GFOD1: variants seen among roughly 807,000 people sequenced by gnomAD.
The protein encoded by GFOD1 is glucose-fructose oxidoreductase domain-containing protein 1.
In GFOD1, 9 loss-of-function variants were observed where a neutral mutation model predicts 25.4. The ratio of observed to expected loss-of-function variants is 0.35; its 90% CI spans 0.21 to 0.62. GFOD1 has a LOEUF of 0.62. GFOD1 is among the 20% of genes least tolerant of loss of function. The pLI, the probability that GFOD1 is intolerant of heterozygous loss-of-function variation, is 0.72. For missense variants in GFOD1, 403 were observed against 556.9 expected, an observed-to-expected ratio of 0.72 and a Z score of 2.78; for synonymous variants, 253 against 245.6, an observed-to-expected ratio of 1.03 and a Z score of -0.28.
chr6:13,487,035 C>T lies in GFOD1; in HGVS notation c.-145G>A. 3.0e-6 allele frequency: 3 copies of T among 1,014,330 alleles called. No individual in the cohort carries two copies. The highest frequency in any genetic ancestry group is 2.6e-5 in the East Asian group (1 of 38,316). 62.8% of individuals were successfully genotyped at this position (1,014,330 alleles called of 1,614,324 possible). ...GCCGCCGTGCACCGGGCAAGGCGCC[C>T]GGGTGCCCAGAGCGCACCGAGCTGC... On this transcript the variant is annotated 5_prime_UTR_variant, in exon 1 of 2. Coordinates refer to ENST00000379287, the MANE Select transcript of GFOD1 (RefSeq NM_018988.4). This position sits in a 1 kb window ranked among gnomAD's most constrained non-coding sequence, Gnocchi z 4.9.
At chr6:13,394,466 ATT>A (rs70989855) in intron 1 of GFOD1, among the ~76,000 whole-genome samples, 18 of 75,910 alleles carry the variant, frequency 2.4e-4, no homozygotes, top group African/African-American at 2.7e-4. Context: ...TACCCTTTGA[ATT>A]TTTTTTTTTT....
chr6:13,400,231 T>C (rs1785816059), intron 1 of GFOD1, among the ~76,000 whole-genome samples: 1 of 152,132 alleles, frequency 6.6e-6, no homozygotes, highest in Non-Finnish European at 1.5e-5. Context: ...GGGGGTGGGA[T>C]AAATGTTAAA....
In GFOD1 at chr6:13,486,966, G is replaced by C. The variant is rs1024574618; in HGVS notation, c.-76C>G. 3 of 1,511,956 alleles carry C rather than the reference G, an allele frequency of 2.0e-6. No individual in the cohort carries two copies. The highest frequency in any genetic ancestry group is 2.7e-6 in the Non-Finnish European group (3 of 1,124,434). 93.7% of individuals were successfully genotyped at this position (1,511,956 alleles called of 1,614,324 possible). A position where few individuals can be genotyped will look rare whatever the true frequency, so the allele number is the denominator to read the frequency against. ...GCGCGCACACACCCACCTCTAGCCA[G>C]TCCTGCACCCCGCTCCTGTAGCCAA... On this transcript the variant is annotated 5_prime_UTR_variant, in exon 1 of 2. Transcript: ENST00000379287.
rs139058993 is a variant in GFOD1 at position 13,360,972 on chromosome 6, C to T, written c.*3771G>A. On this transcript the variant is annotated 3_prime_UTR_variant, in exon 2 of 2. Transcript: ENST00000379287. The stretch of plus-strand genomic sequence containing the variant: ...TGTGACTTTGAACAAGTTCCTCTTC[C>T]TCTTACTGCCTCCATTTTCTCATGT... 1.5e-3 allele frequency: 591 copies of T among 403,604 alleles called. 2 individuals are homozygous for T. The highest frequency in any genetic ancestry group is 2.0e-3 in the Non-Finnish European group (399 of 200,360). The allele number at this position is 403,604 out of a possible 1,614,324, so 25.0% of individuals were successfully genotyped here.
chr6:13,417,673 C>A (rs1326960416), intron 1 of GFOD1, among the ~76,000 whole-genome samples: 1 of 152,214 alleles, frequency 6.6e-6, no homozygotes, highest in Admixed American at 6.5e-5. Context: ...GGCACAGACG[C>A]AGAACAACAT....
At chr6:13,469,256 A>G (rs1758434276) in intron 1 of GFOD1, 2 of 985,578 alleles carry the variant, frequency 2.0e-6, no homozygotes, top group South Asian at 9.4e-5. Context: ...GGAGGAATAC[A>G]TCACACTCGC....
intron 1 of GFOD1, among the ~76,000 whole-genome samples, chr6:13,435,970 T>C (rs1757826330): frequency 6.6e-6 from 1 of 152,202 alleles, no homozygotes; most frequent in Non-Finnish European, 1.5e-5. Flanking sequence ...ATGAGTAGAA[T>C]ATCTGGAAGG....
At chr6:13,451,261 C>T (rs1758092159) in intron 1 of GFOD1, among the ~76,000 whole-genome samples, 1 of 152,102 alleles carries the variant, frequency 6.6e-6, no homozygotes, top group African/African-American at 2.4e-5. Context: ...TCTACTGGCC[C>T]CAAACATGGG....
chr6:13,464,554 G>A (rs1758347116), intron 1 of GFOD1, among the ~76,000 whole-genome samples: 1 of 152,136 alleles, frequency 6.6e-6, no homozygotes. Flanking sequence ...ATATCAACTT[G>A]GCTAAGCCAC....
chr6:13,395,132 A>G (rs1280401460), intron 1 of GFOD1, among the ~76,000 whole-genome samples: 1 of 152,198 alleles, frequency 6.6e-6, no homozygotes, highest in Non-Finnish European at 1.5e-5. Flanking sequence ...TATGTTGCCC[A>G]GGCTTCTTTT....
rs1019550518 is a variant in GFOD1, at chr6:13,487,157, C to A, written c.-267G>T. ...CCCGGAGTCGGCGGCAGGGACCCCC[C>A]CAGGGCGCCGGAGGCTTCGAAGCCC... On this transcript the variant is annotated 5_prime_UTR_variant, in exon 1 of 2. Transcript: ENST00000379287. This position sits in a 1 kb window ranked among gnomAD's most constrained non-coding sequence, Gnocchi z 4.9. 6.9e-6 allele frequency: 3 copies of A among 432,556 alleles called. No homozygotes were observed. The highest frequency in any genetic ancestry group is 4.2e-5 in the African/African-American group (2 of 47,976). The allele number at this position is 432,556 out of a possible 1,614,324, so 26.8% of individuals were successfully genotyped here. A position where few individuals can be genotyped will look rare whatever the true frequency, so the allele number is the denominator to read the frequency against.
chr6:13,469,177 G>A (rs933148935), intron 1 of GFOD1: 1 of 917,054 alleles, frequency 1.1e-6, no homozygotes, highest in South Asian at 5.0e-5. Context: ...AGAGGCCACT[G>A]GTCACATCCC....
At chr6:13,433,961 C>A (rs1364454762) in intron 1 of GFOD1, among the ~76,000 whole-genome samples, 2 of 152,214 alleles carry the variant, frequency 1.3e-5, no homozygotes, top group Non-Finnish European at 2.9e-5. Context: ...TATTGTAAGG[C>A]CTGCACCAGG....
chr6:13,450,712 T>C (rs558972209), intron 1 of GFOD1, among the ~76,000 whole-genome samples: 16 of 152,358 alleles, frequency 1.1e-4, no homozygotes, highest in East Asian at 3.9e-4. Context: ...CTGCCTACCA[T>C]GTCCCAAAAT....
intron 1 of GFOD1, among the ~76,000 whole-genome samples, chr6:13,418,403 C>T (rs554236998): frequency 6.6e-6 from 1 of 152,302 alleles, no homozygotes; most frequent in African/African-American, 2.4e-5. Flanking sequence ...AAACTAGGTC[C>T]GTTTGCAGAA....
At chr6:13,381,938 C>T (rs1196486024) in intron 1 of GFOD1, among the ~76,000 whole-genome samples, 2 of 144,322 alleles carry the variant, frequency 1.4e-5, no homozygotes, top group African/African-American at 5.8e-5. Flanking sequence ...CACACACACA[C>T]ACACACACAC....
intron 1 of GFOD1, among the ~76,000 whole-genome samples, chr6:13,399,600 G>C (rs1785803492): frequency 6.6e-6 from 1 of 152,168 alleles, no homozygotes; most frequent in South Asian, 2.1e-4. Flanking sequence ...CTCAAAACCG[G>C]TATGCGGAGT....
At chr6:13,465,308 A>G (rs1758360507) in intron 1 of GFOD1, among the ~76,000 whole-genome samples, 2 of 152,176 alleles carry the variant, frequency 1.3e-5, no homozygotes, top group Non-Finnish European at 2.9e-5. Flanking sequence ...CCTGGGCCAC[A>G]TGCATCCCAC....
chr6:13,473,690 T>C (rs1529446), intron 1 of GFOD1, among the ~76,000 whole-genome samples: 4,794 of 152,316 alleles, frequency 0.031, 239 homozygotes, highest in African/African-American at 0.11. Flanking sequence ...GAGGACTTTA[T>C]ATCATAGAGC....
Sources: gnomAD v4.1 joint callset for allele counts (sites outside exome capture counted in the v4.1 genomes callset) on GRCh38, gnomAD v4.1.1 for gene constraint, Gnocchi (gnomAD v3.1) non-coding constraint, MANE v1.5 for transcripts, NCBI Gene and HGNC (gene_info 2026-07-23, HGNC 2026-07-21) for gene names.